ROBO2: variants seen among roughly 807,000 people sequenced by gnomAD.
The protein encoded by ROBO2 is roundabout guidance receptor 2.
Under a neutral mutation model 160.8 loss-of-function variants are expected in ROBO2, and 53 were observed. That is an observed-to-expected ratio of 0.33 (90% confidence interval 0.26 to 0.41). ROBO2 has a LOEUF of 0.41. ROBO2 is among the 10% of genes least tolerant of loss of function. The probability of loss-of-function intolerance (pLI) is 1.00; values close to 1 mark genes in which losing one functional copy is unlikely to be tolerated. For missense variants in ROBO2, 1,577 were observed against 1,722.4 expected (o/e 0.92, Z 1.49); for synonymous variants, 664 against 611.7 (o/e 1.09, Z -1.26).
intron 2 of ROBO2, among the ~76,000 whole-genome samples, chr3:76,630,928 A>T (rs1269292525): frequency 6.6e-6 from 1 of 152,180 alleles, no homozygotes; most frequent in Non-Finnish European, 1.5e-5. Context: ...CAAATCTGGA[A>T]CACATTTCTC....
chr3:76,123,446 T>A lies in ROBO2; in HGVS notation c.109+185844T>A, dbSNP rs180720490. Among the ~76,000 whole-genome samples the A allele has an allele frequency of 1.8e-4, 28 of 152,296 alleles. No homozygotes were observed. The East Asian group carries it at 4.4e-3, about 24-fold the overall frequency. On this transcript the variant is annotated intron_variant, in intron 2 of 26. Coordinates refer to the ROBO2 transcript ENST00000487694. ...ATGAGTTTCTTGTATGTAAGTTCAA[T>A]TTTTCCTTACTTCTCTCTAACCAAT...
chr3:77,282,865 A>G (rs1307328972), intron 2 of ROBO2, among the ~76,000 whole-genome samples: 1 of 152,124 alleles, frequency 6.6e-6, no homozygotes, highest in Middle Eastern at 3.4e-3. Context: ...CTTTACTAGC[A>G]TACAAATAAA....
At chr3:77,008,467 G>A (rs528491819) in intron 2 of ROBO2, among the ~76,000 whole-genome samples, 130 of 152,170 alleles carry the variant, frequency 8.5e-4, no homozygotes, top group African/African-American at 2.7e-3. Context: ...AATGTACATC[G>A]CTTGTAATCA....
intron 2 of ROBO2, among the ~76,000 whole-genome samples, chr3:76,575,267 G>A (rs2085216996): frequency 4.0e-5 from 6 of 151,826 alleles, no homozygotes. Flanking sequence ...CATGGAAGAT[G>A]ATTTAAAAAT....
chr3:77,232,749 T>C (rs1488684003), intron 2 of ROBO2, among the ~76,000 whole-genome samples: 3 of 152,176 alleles, frequency 2.0e-5, no homozygotes, highest in Non-Finnish European at 4.4e-5. Flanking sequence ...ACTTGTACTT[T>C]GGTAAGTTAT....
chr3:77,020,543 A>T (rs1025138604), intron 2 of ROBO2, among the ~76,000 whole-genome samples: 2 of 152,228 alleles, frequency 1.3e-5, no homozygotes, highest in African/African-American at 2.4e-5. Context: ...TATTGTTCGT[A>T]TAAGGAAACA....
At chr3:76,268,897 C>T (rs935500319) in intron 2 of ROBO2, among the ~76,000 whole-genome samples, 1 of 152,024 alleles carries the variant, frequency 6.6e-6, no homozygotes, top group Non-Finnish European at 1.5e-5. Flanking sequence ...GTTCACACAC[C>T]TATACTTAGA....
intron 2 of ROBO2, among the ~76,000 whole-genome samples, chr3:77,205,360 C>A (rs1028903925): frequency 6.6e-6 from 1 of 151,936 alleles, no homozygotes; most frequent in African/African-American, 2.4e-5. Flanking sequence ...TCTCTGAGCA[C>A]CCCCAGCAGA....
At chr3:76,360,420 T>G (rs1559820507) in intron 2 of ROBO2, among the ~76,000 whole-genome samples, 2 of 152,144 alleles carry the variant, frequency 1.3e-5, no homozygotes, top group African/African-American at 4.8e-5. Flanking sequence ...TTAAAAAAAT[T>G]TATGTAAAGT....
At chr3:76,064,975 T>C (rs1033173524) in intron 2 of ROBO2, among the ~76,000 whole-genome samples, 1 of 152,182 alleles carries the variant, frequency 6.6e-6, no homozygotes, top group Non-Finnish European at 1.5e-5. Flanking sequence ...ATAACAAAGA[T>C]TATATGTATA....
intron 2 of ROBO2, among the ~76,000 whole-genome samples, chr3:76,222,054 T>C (rs905437625): frequency 2.0e-5 from 3 of 152,164 alleles, no homozygotes; most frequent in Admixed American, 6.5e-5. Context: ...TTGTATAATC[T>C]GCCAGTGGTG....
rs764534424 is a variant in ROBO2 at position 77,197,041 on chromosome 3, A to G, written c.388+98701A>G. Reference sequence around the variant, plus strand: ...TAAAATGAATAATGCAGACCCTCCAATTGTTCAAGCAGTCCTAATGTTCTA... The same window carrying G: ...TAAAATGAATAATGCAGACCCTCCAGTTGTTCAAGCAGTCCTAATGTTCTA... On this transcript the variant is annotated intron_variant, in intron 2 of 25. Coordinates refer to ENST00000461745, the Ensembl canonical transcript of ROBO2. 2.0e-5 allele frequency among the ~76,000 whole-genome samples: 3 copies of G among 152,252 alleles called. No homozygotes were observed. The South Asian group carries it at 6.2e-4, about 32-fold the overall frequency.
At chr3:77,418,095 GC>G in intron 2 of ROBO2, among the ~76,000 whole-genome samples, 1 of 152,082 alleles carries the variant, frequency 6.6e-6, no homozygotes, top group East Asian at 1.9e-4. Flanking sequence ...AAAAAATCTT[GC>G]TTTCAGCAAT....
rs199777192 is a variant in ROBO2 at position 76,797,566 on chromosome 3, G to C, written c.110-300448G>C. On this transcript the variant is annotated intron_variant, in intron 2 of 26. Coordinates refer to the ROBO2 transcript ENST00000487694. ...ATCATACCCAAATACTAGAGGAAAAGAAAAATAAAAAGATCAGATTAGAAA... is the reference window on the plus strand; with the variant it reads ...ATCATACCCAAATACTAGAGGAAAACAAAAATAAAAAGATCAGATTAGAAA... Among the ~76,000 whole-genome samples, 8 of 149,672 alleles carry C rather than the reference G, an allele frequency of 5.3e-5. No individual in the cohort carries two copies. The East Asian group carries it at 1.6e-3, about 29-fold the overall frequency.
chr3:76,412,431 A>G lies in ROBO2; in HGVS notation c.109+474829A>G, dbSNP rs992834387. Reference sequence around the variant, plus strand: ...TAACTCATTTTAGCATTAACCCAAAAGTCCACAGTCCAAATGTTCATCTGG... The same window carrying G: ...TAACTCATTTTAGCATTAACCCAAAGGTCCACAGTCCAAATGTTCATCTGG... On this transcript the variant is annotated intron_variant, in intron 2 of 26. Transcript: ENST00000487694. 1.3e-3 allele frequency among the ~76,000 whole-genome samples: 193 copies of G among 152,328 alleles called. 4 individuals are homozygous for G. Among genetic ancestry groups the G allele is most frequent in the Admixed American group, 1.0e-3 (16 of 15,308 alleles).
At chr3:76,725,996 G>A (rs1173986715) in intron 2 of ROBO2, among the ~76,000 whole-genome samples, 2 of 152,202 alleles carry the variant, frequency 1.3e-5, no homozygotes, top group Non-Finnish European at 2.9e-5. Context: ...TCTCTTGGAT[G>A]TGTGTTCAAG....
intron 2 of ROBO2, among the ~76,000 whole-genome samples, chr3:76,811,781 CCTTCCTTCCTTCCTTCCT>C (rs2065178443): frequency 5.4e-5 from 2 of 36,954 alleles, no homozygotes; most frequent in African/African-American, 2.0e-4. Flanking sequence ...TTCCCTCCTT[CCTTCCTTCCTTCCTTCCT>C]TCCTTCCTTC....
At chr3:77,596,712 A>G (rs764507168) in exon 19 of ROBO2, 12 of 1,613,760 alleles carry the variant, frequency 7.4e-6, no homozygotes, top group African/African-American at 1.3e-5. Context: ...AATAATAGCA[A>G]CAGTGGCCCA....
intron 2 of ROBO2, among the ~76,000 whole-genome samples, chr3:77,031,474 TA>T (rs1044757694): frequency 1.2e-4 from 18 of 147,038 alleles, no homozygotes; most frequent in African/African-American, 4.4e-4. Flanking sequence ...GATATATGAC[TA>T]TTATATATAA....
Sources: allele counts gnomAD v4.1 joint callset (sites outside exome capture counted in the v4.1 genomes callset), GRCh38; gene constraint gnomAD v4.1.1; transcripts MANE v1.5; gene names NCBI Gene and HGNC (gene_info 2026-07-23, HGNC 2026-07-21).